The following CCDC80 variants were observed in gnomAD, a reference collection of about 807,000 sequenced individuals.
The protein encoded by CCDC80 is coiled-coil domain containing 80.
CCDC80 carries 49 observed loss-of-function variants against 78.7 expected under a neutral mutation model. The ratio of observed to expected loss-of-function variants is 0.62; its 90% CI spans 0.50 to 0.79. The LOEUF (loss-of-function observed/expected upper bound fraction) is 0.79. CCDC80 is among the 30% of genes least tolerant of loss of function. The probability of loss-of-function intolerance (pLI) is 0.00; values close to 1 mark genes in which losing one functional copy is unlikely to be tolerated. For synonymous variants in CCDC80, 488 were observed against 447.0 expected, an observed-to-expected ratio of 1.09 and a Z score of -1.16; for missense variants, 1,205 against 1,198.6, an observed-to-expected ratio of 1.01 and a Z score of -0.08.
intron 2 of CCDC80, among the ~76,000 whole-genome samples, chr3:112,634,980 T>C (rs1451868407): frequency 6.6e-6 from 1 of 152,212 alleles, no homozygotes; most frequent in Non-Finnish European, 1.5e-5. Flanking sequence ...AACCACACAG[T>C]CTTGGCAAAG....
At chr3:112,639,950 G>C (rs781368848) in intron 1 of CCDC80, 34 bp from the exon 2 acceptor site, 126 of 1,559,042 alleles carry the variant, frequency 8.1e-5, no homozygotes, top group Non-Finnish European at 1.1e-4. Context: ...AAACAAAGGG[G>C]AGGGGGAAAA....
Position 112,597,439 on chromosome 3 carries a change from C to A in CCDC80, c.*7978G>T, listed in dbSNP as rs1462022154. ...TGGAATGGTGAATAGGTACACATTTCTCAAAGCTCAAAGTGCAAGTCTAGG... is the reference window on the plus strand; with the variant it reads ...TGGAATGGTGAATAGGTACACATTTATCAAAGCTCAAAGTGCAAGTCTAGG... On this transcript the variant is annotated 3_prime_UTR_variant, in exon 8 of 8. Transcript: ENST00000206423. 1 of 152,162 alleles carries A rather than the reference C, an allele frequency of 6.6e-6. No individual in the cohort carries two copies. The highest frequency in any genetic ancestry group is 1.5e-5 in the Non-Finnish European group (1 of 68,038). The allele number at this position is 152,162 out of a possible 1,614,324, so 9.4% of individuals were successfully genotyped here.
Position 112,638,855 on chromosome 3 carries a change from T to C in CCDC80, c.1051A>G (p.Thr351Ala). 1 of 1,613,328 alleles carries C rather than the reference T, an allele frequency of 6.2e-7. No individual in the cohort carries two copies. Among genetic ancestry groups the C allele is most frequent in the Non-Finnish European group, 8.5e-7 (1 of 1,179,852 alleles). ...GTGGCTGGGGCAGGAGGAAGGGTGG[T>C]GGCTCTGGGGGTTGAGGGAGGTTGG... is the stretch of plus-strand genomic sequence containing the variant. ...LPQPPSTPRA[T>A]TLPPAPATTV... Residue 351 changes from threonine (T) to alanine (A), a missense_variant, in exon 2 of 8, where the codon ACC (threonine) becomes GCC (alanine). Thr to Ala is a moderately conservative substitution (Grantham distance 58, BLOSUM62 0). Coordinates refer to ENST00000206423, the MANE Select transcript of CCDC80 (RefSeq NM_199511.3).
In CCDC80 at chr3:112,602,489, G is replaced by A. The variant is rs1559872576; in HGVS notation, c.*2928C>T. ...TAAGCCTCTTATGCCAAACAACCAA[G>A]TTGTAAATGCAAAGGAAAAGTTCTT... is the stretch of plus-strand genomic sequence containing the variant. On this transcript the variant is annotated 3_prime_UTR_variant, in exon 8 of 8. Transcript: ENST00000206423. 1 of 152,204 alleles carries A rather than the reference G, an allele frequency of 6.6e-6. No individual in the cohort carries two copies. Among genetic ancestry groups the A allele is most frequent in the Non-Finnish European group, 1.5e-5 (1 of 68,032 alleles). The allele number at this position is 152,204 out of a possible 1,614,324, so 9.4% of individuals were successfully genotyped here. A position where few individuals can be genotyped will look rare whatever the true frequency, so the allele number is the denominator to read the frequency against.
chr3:112,611,578 A>AG (rs1449508546), intron 5 of CCDC80, among the ~76,000 whole-genome samples: 5 of 152,220 alleles, frequency 3.3e-5, no homozygotes, highest in Admixed American at 1.3e-4. Context: ...TAAATCTAAG[A>AG]GGCATTACCA....
chr3:112,618,623 G>C (rs1205856959), intron 4 of CCDC80, among the ~76,000 whole-genome samples: 2 of 152,182 alleles, frequency 1.3e-5, no homozygotes, highest in African/African-American at 4.8e-5. Context: ...TTAAATATGG[G>C]TTTCTTGAAG....
chr3:112,629,170 T>C (rs1936042194), intron 3 of CCDC80, among the ~76,000 whole-genome samples: 2 of 152,088 alleles, frequency 1.3e-5, no homozygotes, highest in African/African-American at 4.8e-5. Flanking sequence ...AATAATTAGT[T>C]ATATATTACT....
chr3:112,620,483 A>T (rs1030836945), intron 3 of CCDC80, among the ~76,000 whole-genome samples: 1 of 152,124 alleles, frequency 6.6e-6, no homozygotes, highest in Non-Finnish European at 1.5e-5. Flanking sequence ...CAATTATTAG[A>T]TTTATATTTT....
At chr3:112,626,775 T>C (rs1393869266) in intron 3 of CCDC80, among the ~76,000 whole-genome samples, 1 of 152,198 alleles carries the variant, frequency 6.6e-6, no homozygotes. Flanking sequence ...CCCAAACTCC[T>C]GGCCTCAAGT....
In CCDC80 at chr3:112,600,193, A is replaced by G. The variant is rs1935349387; in HGVS notation, c.*5224T>C. On this transcript the variant is annotated 3_prime_UTR_variant, in exon 8 of 8. Transcript: ENST00000206423. ...TTTCCAGATTATAGGCTTTGAGGACATTCACCAATAGCATCCTCCTCTGAA... is the reference window on the plus strand; with the variant it reads ...TTTCCAGATTATAGGCTTTGAGGACGTTCACCAATAGCATCCTCCTCTGAA... 1 of 152,190 alleles carries G rather than the reference A, an allele frequency of 6.6e-6. No individual in the cohort carries two copies. Among genetic ancestry groups the G allele is most frequent in the Admixed American group, 6.5e-5 (1 of 15,278 alleles). The allele number at this position is 152,190 out of a possible 1,614,324, so 9.4% of individuals were successfully genotyped here.
chr3:112,619,074 T>A lies in CCDC80; in HGVS notation c.2066A>T (p.Asp689Val). ...DNEKPMRVVD[D>V]EDLVDQRLIS... ...GAGACGCTGGTCTACCAAGTCTTCATCATCCACCACTCGCATGGGCTTCTC... is the reference window on the plus strand; with the variant it reads ...GAGACGCTGGTCTACCAAGTCTTCAACATCCACCACTCGCATGGGCTTCTC... Residue 689 changes from aspartate (D) to valine (V), a missense_variant, in exon 4 of 8, where the codon GAT (aspartate) becomes GTT (valine). Asp to Val is a radical substitution (Grantham distance 152, BLOSUM62 -3). Transcript: ENST00000206423. The A allele has an allele frequency of 6.2e-7, 1 of 1,604,900 alleles. No homozygotes were observed. The highest frequency in any genetic ancestry group is 1.3e-5 in the African/African-American group (1 of 74,436).
At chr3:112,611,075 G>A (rs565344098) in intron 5 of CCDC80, among the ~76,000 whole-genome samples, 21 of 151,798 alleles carry the variant, frequency 1.4e-4, no homozygotes, top group South Asian at 6.3e-4. Flanking sequence ...CACCACACCC[G>A]GCTAATTTTT....
chr3:112,606,928 A>T (rs1472938340), intron 7 of CCDC80, among the ~76,000 whole-genome samples: 1 of 152,168 alleles, frequency 6.6e-6, no homozygotes, highest in Non-Finnish European at 1.5e-5. Flanking sequence ...TTTAGTTAAG[A>T]AAAATGGATA....
intron 3 of CCDC80, among the ~76,000 whole-genome samples, chr3:112,628,232 A>G (rs10511316): frequency 0.24 from 36,806 of 152,036 alleles, 5,016 homozygotes; most frequent in Middle Eastern, 0.43. Context: ...CCAGGAAACA[A>G]ATGGTTGAAT....
chr3:112,610,105 A>G (rs1320466564), intron 5 of CCDC80, 24 bp from the exon 6 acceptor site: 1 of 1,575,064 alleles, frequency 6.3e-7, no homozygotes, highest in Non-Finnish European at 8.7e-7. Flanking sequence ...GCAGGACACC[A>G]TTACTGCTTA....
chr3:112,603,939 A>G lies in CCDC80; in HGVS notation c.*1478T>C, dbSNP rs929102359. The G allele has an allele frequency of 1.3e-5, 2 of 152,252 alleles. No individual in the cohort carries two copies. The highest frequency in any genetic ancestry group is 2.4e-5 in the African/African-American group (1 of 41,468). The allele number at this position is 152,252 out of a possible 1,614,324, so 9.4% of individuals were successfully genotyped here. A position where few individuals can be genotyped will look rare whatever the true frequency, so the allele number is the denominator to read the frequency against. ...CCTCATGGATGATTTTAAGAGGCCC[A>G]AGACTTCATTGGAGGAAGCTCTGCT... is the stretch of plus-strand genomic sequence containing the variant. On this transcript the variant is annotated 3_prime_UTR_variant, in exon 8 of 8. Transcript: ENST00000206423.
At chr3:112,637,001 G>A (rs1001101915) in intron 2 of CCDC80, among the ~76,000 whole-genome samples, 1 of 152,160 alleles carries the variant, frequency 6.6e-6, no homozygotes, top group Non-Finnish European at 1.5e-5. Context: ...AGGAGAAGGA[G>A]CCATTTGCAC....
At chr3:112,634,485 A>C (rs1011968259) in intron 2 of CCDC80, among the ~76,000 whole-genome samples, 1 of 152,148 alleles carries the variant, frequency 6.6e-6, no homozygotes, top group African/African-American at 2.4e-5. Context: ...ACTATCGTCA[A>C]CCTCAAACTG....
Position 112,616,833 on chromosome 3 carries a change from A to G in CCDC80, c.2198T>C (p.Met733Thr), listed in dbSNP as rs1576784798. 2 of 1,614,016 alleles carry G rather than the reference A, an allele frequency of 1.2e-6. No homozygotes were observed. Among genetic ancestry groups the G allele is most frequent in the Non-Finnish European group, 1.7e-6 (2 of 1,179,992 alleles). Reference sequence around the variant, plus strand: ...ATCGATCAGATCAAACACAGACTTCATTGTTATTGGTACCTCATAGTATTG... The same window carrying G: ...ATCGATCAGATCAAACACAGACTTCGTTGTTATTGGTACCTCATAGTATTG... ...VKQYYEVPIT[M>T]KSVFDLIDTF... Residue 733 changes from methionine (M) to threonine (T), a missense_variant, in exon 5 of 8, where the codon ATG (methionine) becomes ACG (threonine). Met to Thr is a moderately conservative substitution (Grantham distance 81). Coordinates refer to ENST00000206423, the MANE Select transcript of CCDC80 (RefSeq NM_199511.3).
Sources: allele counts gnomAD v4.1 joint callset (sites outside exome capture counted in the v4.1 genomes callset), GRCh38; gene constraint gnomAD v4.1.1; transcripts MANE v1.5; gene names NCBI Gene and HGNC (gene_info 2026-07-23, HGNC 2026-07-21).